The following FAT1 variants were observed in gnomAD, a reference collection of about 807,000 sequenced individuals.
FAT1 encodes protocadherin Fat 1.
FAT1 carries 171 observed loss-of-function variants against 329.8 expected under a neutral mutation model. The ratio of observed to expected loss-of-function variants is 0.52; its 90% confidence interval spans 0.46 to 0.59. The LOEUF (loss-of-function observed/expected upper bound fraction) is 0.59, where lower values mean the gene tolerates loss of function less well. FAT1 is among the 20% of genes least tolerant of loss of function. The pLI, the probability that FAT1 is intolerant of heterozygous loss-of-function variation, is 0.00. For synonymous variants in FAT1, 2,233 were observed against 2,228.6 expected, an observed-to-expected ratio of 1.00 and a Z score of -0.06; for missense variants, 5,672 against 5,774.4, an observed-to-expected ratio of 0.98 and a Z score of 0.57.
rs2126490027 is a variant in FAT1 at position 186,617,994 on chromosome 4, C to T, written c.8592G>A (p.Met2864Ile). 6.2e-7 allele frequency: 1 copy of T among 1,613,990 alleles called. No individual in the cohort carries two copies. Among genetic ancestry groups the T allele is most frequent in the Middle Eastern group, 1.6e-4 (1 of 6,062 alleles). ...VEVIESFAINMETGWITTLKE... is the reference protein window; with the variant it reads ...VEVIESFAINIETGWITTLKE... ...TTAAAGTTGTAATCCAGCCTGTTTCCATGTTAATGGCAAAGGATTCAATGA... is the reference window on the plus strand; with the variant it reads ...TTAAAGTTGTAATCCAGCCTGTTTCTATGTTAATGGCAAAGGATTCAATGA... The change falls in exon 10 of 27, where the codon ATG becomes ATA. Residue 2864 changes from methionine to isoleucine, a missense_variant. By Grantham distance (10) the Met-to-Ile change is conservative. Transcript: ENST00000441802.
rs2126515881 is a variant in FAT1, at chr4:186,620,460, C to T, written c.6126G>A (p.Glu2042=). 1 of 1,614,034 alleles carries T rather than the reference C, an allele frequency of 6.2e-7. No individual in the cohort carries two copies. Residue 2042 remains glutamate, a synonymous_variant, in exon 10 of 27, where the codon GAG becomes GAA. Transcript: ENST00000441802. ...LSTTGTPFDR[E]QQEAFDVVVE... is the part of the protein sequence containing the mutation. ...CAACCACATCAAACGCCTCCTGCTG[C>T]TCACGATCGAAGGGCGTGCCAGTGG...
chr4:186,632,870 G>C (rs1405606009), intron 7 of FAT1, among the ~76,000 whole-genome samples: 3 of 152,022 alleles, frequency 2.0e-5, no homozygotes, highest in African/African-American at 7.2e-5. Context: ...TTTTCATTTA[G>C]GCCACAGTAG....
At chr4:186,633,889 T>C in intron 6 of FAT1, 66 bp from the exon 7 acceptor site, 1 of 1,566,718 alleles carries the variant, frequency 6.4e-7, no homozygotes, top group Non-Finnish European at 8.8e-7. Flanking sequence ...TTCTGTGGCT[T>C]TCTCATACTT....
At chr4:186,680,793 C>T (rs144617103) in intron 2 of FAT1, among the ~76,000 whole-genome samples, 1 of 152,206 alleles carries the variant, frequency 6.6e-6, no homozygotes, top group South Asian at 2.1e-4. Context: ...GAACCCAAAT[C>T]TCTTGAAATC....
At chr4:186,667,073 C>A (rs959363407) in intron 2 of FAT1, among the ~76,000 whole-genome samples, 2 of 152,218 alleles carry the variant, frequency 1.3e-5, no homozygotes, top group Admixed American at 6.5e-5. Flanking sequence ...TTCACTCATA[C>A]ACAATAGCTT....
intron 3 of FAT1, among the ~76,000 whole-genome samples, chr4:186,650,392 C>G (rs1741581448): frequency 6.6e-6 from 1 of 152,096 alleles, no homozygotes; most frequent in Non-Finnish European, 1.5e-5. Context: ...TACATTCTAG[C>G]TTCATGCCTG....
chr4:186,618,828 A>G lies in FAT1; in HGVS notation c.7758T>C (p.Leu2586=), dbSNP rs1371060664. 2 of 1,613,992 alleles carry G rather than the reference A, an allele frequency of 1.2e-6. No homozygotes were observed. Among genetic ancestry groups the G allele is most frequent in the East Asian group, 2.2e-5 (1 of 44,878 alleles). The change falls in exon 10 of 27, where the codon CTT becomes CTC. Residue 2586 remains leucine, a synonymous_variant. Coordinates refer to ENST00000441802, the MANE Select transcript of FAT1 (RefSeq NM_005245.4). ...GTGGTGCATTGTCATTGTCATCTGT[A>G]AGGATGACATTCACGGTGCAGAAAG... is the stretch of plus-strand genomic sequence containing the variant. ...KVAFCTVNVI[L]TDDNDNAPQF...
At chr4:186,622,941 TCA>T (rs1466688434) in intron 9 of FAT1, among the ~76,000 whole-genome samples, 1 of 152,264 alleles carries the variant, frequency 6.6e-6, no homozygotes, top group Non-Finnish European at 1.5e-5. Flanking sequence ...GTGTGGCATT[TCA>T]CAGACCAGAA....
chr4:186,709,612 G>C lies in FAT1; in HGVS notation c.216C>G (p.Tyr72Ter), dbSNP rs2126705487. 6.2e-7 allele frequency: 1 copy of C among 1,613,906 alleles called. No individual in the cohort carries two copies. Among genetic ancestry groups the C allele is most frequent in the Non-Finnish European group, 8.5e-7 (1 of 1,179,872 alleles). ...YITHPAWEVR[Y>*]KIVSGDSENL... ...TTTCACTGTCTCCGGAAACAATTTTGTACCTTACTTCCCACGCTGGATGTG... is the reference window on the plus strand; with the variant it reads ...TTTCACTGTCTCCGGAAACAATTTTCTACCTTACTTCCCACGCTGGATGTG... Residue 72 changes from tyrosine (Y) to a stop codon, truncating the protein, a stop_gained, in exon 2 of 27, where the codon TAC becomes TAG. Coordinates refer to ENST00000441802, the MANE Select transcript of FAT1 (RefSeq NM_005245.4). LOFTEE classifies it high-confidence loss of function.
intron 2 of FAT1, among the ~76,000 whole-genome samples, chr4:186,676,265 C>A (rs1553996847): frequency 2.1e-5 from 3 of 141,402 alleles, no homozygotes; most frequent in Non-Finnish European, 4.6e-5. Context: ...AAATAAATGT[C>A]AATTCATTTT....
Position 186,619,318 on chromosome 4 carries a change from T to A in FAT1, c.7268A>T (p.Asp2423Val), listed in dbSNP as rs558615003. The A allele has an allele frequency of 8.1e-6, 13 of 1,614,062 alleles. 1 individual carries two copies. The South Asian group carries it at 1.1e-4, about 14-fold the overall frequency. ...KAYDADSSDI[D>V]KLQYSILSGN... The stretch of plus-strand genomic sequence containing the variant: ...AGACAGAATGGAATACTGCAACTTG[T>A]CTATGTCTGAACTGTCTGCATCATA... Residue 2423 changes from aspartate to valine, a missense_variant, in exon 10 of 27, where the codon GAC becomes GTC. By Grantham distance (152) the Asp-to-Val change is radical. Transcript: ENST00000441802.
chr4:186,596,701 T>C lies in FAT1; in HGVS notation c.12839A>G (p.Glu4280Gly), dbSNP rs2126388605. Residue 4280 changes from glutamate (E) to glycine (G), a missense_variant, in exon 25 of 27, where the codon GAG becomes GGG. Transcript: ENST00000441802. This position sits in a 1 kb window ranked among gnomAD's most constrained non-coding sequence, Gnocchi z 4.7. Reference sequence around the variant, plus strand: ...GTTAAAAGTGCTGAATTCGGGATGCTCTGGGATAGCAGATCCTTCGAAGGA... The same window carrying C: ...GTTAAAAGTGCTGAATTCGGGATGCCCTGGGATAGCAGATCCTTCGAAGGA... ...RNSFEGSAIPEHPEFSTFNPE... is the reference protein window; with the variant it reads ...RNSFEGSAIPGHPEFSTFNPE... 1 of 1,613,798 alleles carries C rather than the reference T, an allele frequency of 6.2e-7. No individual in the cohort carries two copies. The highest frequency in any genetic ancestry group is 8.5e-7 in the Non-Finnish European group (1 of 1,179,788).
chr4:186,672,755 T>C (rs1278542960), intron 2 of FAT1, among the ~76,000 whole-genome samples: 4 of 152,204 alleles, frequency 2.6e-5, no homozygotes, highest in Non-Finnish European at 1.5e-5. Context: ...GATTCAACCC[T>C]AAAAGTCAGG....
intron 2 of FAT1, among the ~76,000 whole-genome samples, chr4:186,667,589 ATAAAG>A (rs1040041556): frequency 6.6e-6 from 1 of 152,226 alleles, no homozygotes; most frequent in Non-Finnish European, 1.5e-5. Context: ...ACGGAGAACT[ATAAAG>A]TAAATTTCAA....
chr4:186,710,729 C>T (rs554046154), intron 1 of FAT1, among the ~76,000 whole-genome samples: 8 of 152,220 alleles, frequency 5.3e-5, no homozygotes, highest in African/African-American at 1.9e-4. Flanking sequence ...CACCCTGGGC[C>T]CCTCCATGAG....
intron 2 of FAT1, among the ~76,000 whole-genome samples, chr4:186,692,344 GCT>G (rs754642200): frequency 4.6e-5 from 7 of 151,266 alleles, no homozygotes; most frequent in East Asian, 3.9e-4. Context: ...ACGGAGTCTC[GCT>G]CTGTCGCCCA....
chr4:186,694,131 A>G (rs1214178712), intron 2 of FAT1, among the ~76,000 whole-genome samples: 1 of 151,536 alleles, frequency 6.6e-6, no homozygotes, highest in Non-Finnish European at 1.5e-5. Context: ...CCCAGACTCA[A>G]CCTGCCTCTC....
At chr4:186,687,470 A>C (rs1743527176) in intron 2 of FAT1, among the ~76,000 whole-genome samples, 1 of 152,224 alleles carries the variant, frequency 6.6e-6, no homozygotes, top group Admixed American at 6.5e-5. Context: ...ATTTACGCTA[A>C]GGCAACAGAG....
At chr4:186,607,310 C>T (rs1739190955) in intron 16 of FAT1, among the ~76,000 whole-genome samples, 1 of 152,290 alleles carries the variant, frequency 6.6e-6, no homozygotes, top group South Asian at 2.1e-4. Flanking sequence ...AGCTTCCCTT[C>T]CTGGACATAA....
Sources: gnomAD v4.1 joint callset for allele counts (sites outside exome capture counted in the v4.1 genomes callset) on GRCh38, gnomAD v4.1.1 for gene constraint, Gnocchi (gnomAD v3.1) non-coding constraint, MANE v1.5 for transcripts, NCBI Gene and HGNC (gene_info 2026-07-23, HGNC 2026-07-21) for gene names.